Variants in LRRC7 observed in about 807,000 individuals in gnomAD.
LRRC7 encodes the protein leucine rich repeat containing 7.
In LRRC7, 23 loss-of-function variants were observed where a neutral mutation model predicts 175.7. The observed-to-expected ratio is 0.13, with a 90% confidence interval of 0.09 to 0.19. The LOEUF is 0.19. Ranked by LOEUF, LRRC7 falls within the 10% of genes least tolerant of loss-of-function variation. The pLI, the probability that LRRC7 is intolerant of heterozygous loss-of-function variation, is 1.00. For missense variants in LRRC7, 1,354 were observed against 1,904.7 expected (o/e 0.71, Z 5.38); for synonymous variants, 685 against 680.9 (o/e 1.01, Z -0.09).
rs1359964638 is a variant in LRRC7 at position 70,057,003 on chromosome 1, G to C, written c.4230+3858G>C. On this transcript the variant is annotated intron_variant, in intron 23 of 26. Transcript: ENST00000651989. ...CAAAAGCAATTTGCTTAAATGTTGG[G>C]GGGGGAATCCATAGGAATCTGCATT... is the stretch of plus-strand genomic sequence containing the variant. Among the ~76,000 whole-genome samples the C allele has an allele frequency of 2.6e-5, 4 of 152,078 alleles. No individual in the cohort carries two copies. In the East Asian group the frequency reaches 5.8e-4, roughly 22 times the overall value.
chr1:69,921,592 A>G (rs979364896), intron 7 of LRRC7, among the ~76,000 whole-genome samples: 2 of 152,106 alleles, frequency 1.3e-5, no homozygotes, highest in African/African-American at 4.8e-5. Context: ...CTCCTATCTG[A>G]CATCACATTA....
At chr1:70,077,868 T>C (rs1662898318) in intron 24 of LRRC7, among the ~76,000 whole-genome samples, 1 of 152,148 alleles carries the variant, frequency 6.6e-6, no homozygotes, top group African/African-American at 2.4e-5. Flanking sequence ...TAACATCAAG[T>C]ACATTTCAAA....
intron 22 of LRRC7, among the ~76,000 whole-genome samples, chr1:70,045,957 T>G (rs1188683068): frequency 6.6e-6 from 1 of 152,072 alleles, no homozygotes; most frequent in Non-Finnish European, 1.5e-5. Flanking sequence ...CACATATGGA[T>G]TATTACAATT....
chr1:70,093,460 C>T (rs1387895546), intron 25 of LRRC7, among the ~76,000 whole-genome samples: 2 of 152,056 alleles, frequency 1.3e-5, no homozygotes, highest in East Asian at 3.9e-4. Flanking sequence ...AGATTTGAAA[C>T]AAAACTGAGC....
intron 15 of LRRC7, among the ~76,000 whole-genome samples, chr1:70,019,724 GGAAAA>G (rs1657284991): frequency 6.6e-6 from 1 of 151,772 alleles, no homozygotes; most frequent in Non-Finnish European, 1.5e-5. Flanking sequence ...TACAGAAGTA[GGAAAA>G]GAAAAGATTG....
intron 8 of LRRC7, 31 bp from the exon 9 acceptor site, chr1:69,980,348 C>A: frequency 6.5e-7 from 1 of 1,547,874 alleles, no homozygotes; most frequent in Non-Finnish European, 8.9e-7. Flanking sequence ...ATTTTGTTTT[C>A]CTCTCTCCTT....
chr1:70,107,691 T>C (rs917693761), intron 25 of LRRC7, 61 bp from the exon 26 acceptor site: 1 of 1,234,414 alleles, frequency 8.1e-7, no homozygotes, highest in Non-Finnish European at 1.2e-6. Context: ...AATGAAGATT[T>C]GTTTAAGTAG....
intron 15 of LRRC7, 117 bp downstream of exon 15, chr1:70,018,935 T>C: frequency 1.6e-6 from 1 of 636,004 alleles, no homozygotes; most frequent in Non-Finnish European, 2.7e-6. Context: ...TAAAGATAAT[T>C]ACATGACACA....
rs1384021253 is a variant in LRRC7, at chr1:70,122,518, A to G, written c.*631A>G. On this transcript the variant is annotated 3_prime_UTR_variant, in exon 27 of 27. Coordinates refer to ENST00000651989, the MANE Select transcript of LRRC7 (RefSeq NM_001370785.2). ...GTATAAAGTGTTTATATTTGGTTCC[A>G]TATTCATTTGCTAAATTCTCATGAC... 2.6e-5 allele frequency: 4 copies of G among 152,060 alleles called. No homozygotes were observed. The highest frequency in any genetic ancestry group is 1.3e-4 in the Admixed American group (2 of 15,254). 9.4% of individuals were successfully genotyped at this position (152,060 alleles called of 1,614,324 possible). A position where few individuals can be genotyped will look rare whatever the true frequency, so the allele number is the denominator to read the frequency against.
chr1:70,064,752 G>T (rs915293887), intron 23 of LRRC7, among the ~76,000 whole-genome samples: 1 of 151,462 alleles, frequency 6.6e-6, no homozygotes, highest in African/African-American at 2.4e-5. Flanking sequence ...GTTTTTATTG[G>T]TCTATGCAAA....
At chr1:69,803,955 A>C (rs1676819889) in intron 4 of LRRC7, among the ~76,000 whole-genome samples, 1 of 150,962 alleles carries the variant, frequency 6.6e-6, no homozygotes, top group Non-Finnish European at 1.5e-5. Context: ...AAATAGTACT[A>C]TTTTTGCTTG....
chr1:69,863,625 A>G (rs1684600231), intron 7 of LRRC7, among the ~76,000 whole-genome samples: 1 of 152,230 alleles, frequency 6.6e-6, no homozygotes, highest in South Asian at 2.1e-4. Flanking sequence ...CTTACATTTA[A>G]TCAGAGAGAC....
At chr1:69,637,483 C>T (rs1354082843) in intron 1 of LRRC7, among the ~76,000 whole-genome samples, 1 of 151,824 alleles carries the variant, frequency 6.6e-6, no homozygotes, top group Non-Finnish European at 1.5e-5. Flanking sequence ...TCCCACAACC[C>T]ACTTATCACA....
chr1:69,707,403 C>T (rs149083583), intron 2 of LRRC7, among the ~76,000 whole-genome samples: 131 of 152,192 alleles, frequency 8.6e-4, no homozygotes, highest in African/African-American at 2.9e-3. Flanking sequence ...AGCATCTGCC[C>T]GCAGAATAGA....
chr1:69,988,891 C>T (rs1333805550), intron 10 of LRRC7, among the ~76,000 whole-genome samples: 1 of 152,100 alleles, frequency 6.6e-6, no homozygotes, highest in Admixed American at 6.5e-5. Flanking sequence ...GAAACATTCA[C>T]CCTCACAAAT....
Position 70,131,192 on chromosome 1 carries a change from G to T in LRRC7, c.*9305G>T, listed in dbSNP as rs1202999508. ...TTATAGAGATAGAATCTGGCCTGTT[G>T]ATCTCAAAGTAGAAAGAAAGCATGC... On this transcript the variant is annotated 3_prime_UTR_variant, in exon 27 of 27. Transcript: ENST00000651989. 1.3e-5 allele frequency among the ~76,000 whole-genome samples: 2 copies of T among 152,290 alleles called. No individual in the cohort carries two copies. Among genetic ancestry groups the T allele is most frequent in the East Asian group, 3.9e-4 (2 of 5,186 alleles).
chr1:69,590,719 C>T (rs1322302084), intron 1 of LRRC7, among the ~76,000 whole-genome samples: 1 of 152,134 alleles, frequency 6.6e-6, no homozygotes, highest in African/African-American at 2.4e-5. Flanking sequence ...AGGCTAATTG[C>T]ATCTGCCTAT....
intron 26 of LRRC7, among the ~76,000 whole-genome samples, chr1:70,115,575 T>C (rs943156077): frequency 6.6e-6 from 1 of 152,202 alleles, no homozygotes; most frequent in African/African-American, 2.4e-5. Context: ...TCTAATTTAT[T>C]TATTTACCTG....
intron 8 of LRRC7, among the ~76,000 whole-genome samples, chr1:69,940,729 TGA>T (rs1343037227): frequency 1.3e-5 from 2 of 152,082 alleles, no homozygotes; most frequent in Non-Finnish European, 2.9e-5. Flanking sequence ...AAAACATACT[TGA>T]GTTATGAATA....
Sources: allele counts gnomAD v4.1 joint callset (sites outside exome capture counted in the v4.1 genomes callset), GRCh38; gene constraint gnomAD v4.1.1; transcripts MANE v1.5; gene names NCBI Gene and HGNC (gene_info 2026-07-23, HGNC 2026-07-21).